Variants in MUC12 observed in about 807,000 individuals in gnomAD.
MUC12 encodes mucin-12.
Under a neutral mutation model 230.8 loss-of-function variants are expected in MUC12, and 172 were observed. That is an observed-to-expected ratio of 0.75 (90% CI 0.66 to 0.85). The LOEUF is 0.85. Among genes scored for constraint, MUC12 ranks in the 40% least tolerant of loss-of-function variants. The pLI is 0.00. For missense variants in MUC12, 3,506 were observed against 5,920.6 expected (o/e 0.59, Z 13.38); for synonymous variants, 1,259 against 2,401.9 (o/e 0.52, Z 13.91).
At position 100,990,780 on chromosome 7, in the gene MUC12, A is replaced by G; in HGVS notation, c.217A>G (p.Thr73Ala). ...TATKHFLDSS[T>A]NSGHSEESTV... ...AACAAAACACTTCCTTGACAGCTCC[A>G]CAAACTCAGGCCACAGTGAGGAATC... The change falls in exon 2 of 12, where the codon ACA becomes GCA. Residue 73 changes from threonine to alanine, a missense_variant. By Grantham distance (58) the Thr-to-Ala change is moderately conservative. Coordinates refer to ENST00000536621, the MANE Select transcript of MUC12 (RefSeq NM_001164462.2). 6.5e-7 allele frequency: 1 copy of G among 1,537,844 alleles called. No homozygotes were observed. Among genetic ancestry groups the G allele is most frequent in the South Asian group, 1.2e-5 (1 of 84,060 alleles).
Position 100,995,639 on chromosome 7 carries a change from G to A in MUC12, c.5076G>A (p.Trp1692Ter), listed in dbSNP as rs1379394024. The change falls in exon 2 of 12, where the codon TGG becomes TGA. Residue 1692 changes from tryptophan to a stop codon, truncating the protein, a stop_gained. Transcript: ENST00000536621. LOFTEE classifies it high-confidence loss of function. ...RQGESTTFQS[W>*]PSSKDTMPAP... ...GAGAATCTACCACCTTCCAGAGCTG[G>A]CCAAGCTCAAAGGACACTATGCCTG... 6.5e-7 allele frequency: 1 copy of A among 1,537,004 alleles called. No homozygotes were observed. The highest frequency in any genetic ancestry group is 2.0e-5 in the Admixed American group (1 of 50,966).
At chr7:101,005,603 G>C (rs763977198) in intron 2 of MUC12, 84 bp downstream of exon 2, 4 of 1,409,912 alleles carry the variant, frequency 2.8e-6, no homozygotes, top group Non-Finnish European at 3.8e-6. Flanking sequence ...AACCTCTCTT[G>C]GTTCTTTTCC....
At chr7:100,975,195 G>GGCT in intron 1 of MUC12, among the ~76,000 whole-genome samples, 2 of 152,300 alleles carry the variant, frequency 1.3e-5, no homozygotes, top group Non-Finnish European at 2.9e-5. Context: ...TCCACACGAT[G>GGCT]ACTGGAACCA....
At chr7:100,990,501 G>T in intron 1 of MUC12, 130 bp from the exon 2 acceptor site, 1 of 1,146,644 alleles carries the variant, frequency 8.7e-7, no homozygotes, top group Non-Finnish European at 1.2e-6. Context: ...CCCCAAAAGG[G>T]AAACTTGAGT....
chr7:100,987,040 A>G (rs1383169349), intron 1 of MUC12, among the ~76,000 whole-genome samples: 1 of 147,814 alleles, frequency 6.8e-6, no homozygotes, highest in Non-Finnish European at 1.5e-5. Flanking sequence ...TAGCCCCTCC[A>G]GTCCAGGGCC....
chr7:100,995,064 G>A lies in MUC12; in HGVS notation c.4501G>A (p.Ala1501Thr). The stretch of plus-strand genomic sequence containing the variant: ...AACAACAGTCCACAGCAGCCCAGGT[G>A]CAACTGGAACAGCACTCTTCCCTAC... ...ESTTVHSSPG[A>T]TGTALFPTRS... The change falls in exon 2 of 12, where the codon GCA (alanine) becomes ACA (threonine). Residue 1501 changes from alanine to threonine, a missense_variant. Physicochemically the swap from Ala to Thr is moderately conservative, Grantham distance 58 (BLOSUM62 0). Coordinates refer to ENST00000536621, the MANE Select transcript of MUC12 (RefSeq NM_001164462.2). The A allele has an allele frequency of 3.8e-6, 2 of 527,458 alleles. No homozygotes were observed. The highest frequency in any genetic ancestry group is 4.0e-5 in the South Asian group (2 of 49,574). 32.7% of individuals were successfully genotyped at this position (527,458 alleles called of 1,614,324 possible).
intron 1 of MUC12, chr7:100,981,349 GT>G: frequency 1.6e-6 from 1 of 610,042 alleles, no homozygotes; most frequent in East Asian, 3.3e-5. Context: ...CCAGAGCATG[GT>G]TCCCTTGTCC....
Position 100,987,748 on chromosome 7 carries a change from A to G in MUC12, c.68-2883A>G, listed in dbSNP as rs189950733. On this transcript the variant is annotated intron_variant, in intron 1 of 11. Coordinates refer to ENST00000536621, the MANE Select transcript of MUC12 (RefSeq NM_001164462.2). ...AGCACTTTGGGAGGCCGAGGTGAGCAGGTCACCTGAGGTCAGGAGTTTGAG... is the reference window on the plus strand; with the variant it reads ...AGCACTTTGGGAGGCCGAGGTGAGCGGGTCACCTGAGGTCAGGAGTTTGAG... Among the ~76,000 whole-genome samples, 584 of 152,134 alleles carry G rather than the reference A, an allele frequency of 3.8e-3. 4 individuals carry two copies. Among genetic ancestry groups the G allele is most frequent in the African/African-American group, 0.013 (548 of 41,522 alleles).
At position 100,993,998 on chromosome 7, in the gene MUC12, T is replaced by C; in HGVS notation, c.3435T>C (p.Pro1145=). 7.4e-7 allele frequency: 1 copy of C among 1,348,498 alleles called. No individual in the cohort carries two copies. Among genetic ancestry groups the C allele is most frequent in the East Asian group, 3.4e-5 (1 of 29,818 alleles). 83.5% of individuals were successfully genotyped at this position (1,348,498 alleles called of 1,614,324 possible). The part of the protein sequence containing the change: ...QPGSTHSTVS[P]ASTTTPGLSE... ...GTTCTACTCACTCAACAGTGTCACCTGCCAGCACCACCACGCCAGGCCTCA... is the reference window on the plus strand; with the variant it reads ...GTTCTACTCACTCAACAGTGTCACCCGCCAGCACCACCACGCCAGGCCTCA... The change falls in exon 2 of 12, where the codon CCT becomes CCC. Residue 1145 remains proline, a synonymous_variant. Coordinates refer to ENST00000536621, the MANE Select transcript of MUC12 (RefSeq NM_001164462.2).
intron 1 of MUC12, among the ~76,000 whole-genome samples, chr7:100,985,794 C>T (rs1793178481): frequency 6.6e-6 from 1 of 152,042 alleles, no homozygotes; most frequent in South Asian, 2.1e-4. Flanking sequence ...CCTCAGAGAC[C>T]AGGAGGCCAG....
chr7:100,992,462 A>T lies in MUC12; in HGVS notation c.1899A>T (p.Thr633=), dbSNP rs200421275. 1,255 of 1,537,744 alleles carry T rather than the reference A, an allele frequency of 8.2e-4. 16 individuals are homozygous for T. In the South Asian group the frequency reaches 8.4e-3, roughly 10 times the overall value. ...CAACCCGTCAGGGAGAATCTACCAC[A>T]TTCCATAGCTGGCCAAGCTCAAAGG... ...GSTTRQGEST[T]FHSWPSSKDT... Residue 633 remains threonine (T), a synonymous_variant, in exon 2 of 12, where the codon ACA becomes ACT. Coordinates refer to ENST00000536621, the MANE Select transcript of MUC12 (RefSeq NM_001164462.2).
At chr7:100,970,278 G>A (rs1340211186) in intron 1 of MUC12, among the ~76,000 whole-genome samples, 1 of 152,182 alleles carries the variant, frequency 6.6e-6, no homozygotes, top group Admixed American at 6.5e-5. Context: ...CCTGAGGTTG[G>A]GAGTTCAAGT....
Position 101,004,527 on chromosome 7 carries a change from C to T in MUC12, c.13964C>T (p.Pro4655Leu). ...PSTTSALVEEPTSYHSSPGSI... is the reference protein window; with the variant it reads ...PSTTSALVEELTSYHSSPGSI... ...ACCACATCTGCCCTTGTTGAAGAAC[C>T]TACCAGCTACCACAGCAGCCCGGGC... The change falls in exon 2 of 12, where the codon CCT becomes CTT. Residue 4655 changes from proline (P) to leucine (L), a missense_variant. Physicochemically the swap from Pro to Leu is moderately conservative, Grantham distance 98. Coordinates refer to ENST00000536621, the MANE Select transcript of MUC12 (RefSeq NM_001164462.2). 2.0e-6 allele frequency: 3 copies of T among 1,536,406 alleles called. No individual in the cohort carries two copies. Among genetic ancestry groups the T allele is most frequent in the Non-Finnish European group, 2.6e-6 (3 of 1,146,636 alleles).
At chr7:100,990,572 CA>C in intron 1 of MUC12, 58 bp from the exon 2 acceptor site, 1 of 1,530,442 alleles carries the variant, frequency 6.5e-7, no homozygotes, top group Non-Finnish European at 8.8e-7. Context: ...TGACTGCCAC[CA>C]AACATGAGGA....
At position 101,018,825 on chromosome 7, in the gene MUC12, C is replaced by T. The variant is rs1039472068; in HGVS notation, c.*189C>T. 3.0e-5 allele frequency: 16 copies of T among 540,160 alleles called. No homozygotes were observed. The highest frequency in any genetic ancestry group is 4.6e-5 in the Non-Finnish European group (15 of 325,650). 33.5% of individuals were successfully genotyped at this position (540,160 alleles called of 1,614,324 possible). A position where few individuals can be genotyped will look rare whatever the true frequency, so the allele number is the denominator to read the frequency against. ...GCTGGGGAAGGCTGGGGGCTGTAAG[C>T]CTCTCCATCCGGGAGCTTCCAGACT... On this transcript the variant is annotated 3_prime_UTR_variant, in exon 12 of 12. Coordinates refer to ENST00000536621, the MANE Select transcript of MUC12 (RefSeq NM_001164462.2).
intron 1 of MUC12, among the ~76,000 whole-genome samples, chr7:100,986,018 A>G (rs1379473369): frequency 6.6e-6 from 1 of 152,160 alleles, no homozygotes; most frequent in African/African-American, 2.4e-5. Context: ...GACAAAACTT[A>G]GCTCATAAAC....
chr7:101,009,135 G>C lies in MUC12; in HGVS notation c.15227G>C (p.Arg5076Thr). The change falls in exon 5 of 12, where the codon AGA becomes ACA. Residue 5076 changes from arginine (R) to threonine (T), a missense_variant. Physicochemically the swap from Arg to Thr is moderately conservative, Grantham distance 71. Coordinates refer to ENST00000536621, the MANE Select transcript of MUC12 (RefSeq NM_001164462.2). ...VLKGDNLPQYRGVNIRRLLNG... is the reference protein window; with the variant it reads ...VLKGDNLPQYTGVNIRRLLNG... ...AAGGGCGACAATCTTCCTCAGTATA[G>C]AGGGGTGAACATTCGGAGATTGCTG... 6.5e-7 allele frequency: 1 copy of C among 1,537,928 alleles called. No homozygotes were observed. The highest frequency in any genetic ancestry group is 8.7e-7 in the Non-Finnish European group (1 of 1,147,060).
intron 11 of MUC12, 124 bp downstream of exon 11, chr7:101,017,787 C>A: frequency 3.2e-6 from 2 of 631,452 alleles, no homozygotes; most frequent in South Asian, 2.0e-5. Context: ...CCCTCCCTTC[C>A]CCCTGGGACC....
chr7:100,991,816 C>T lies in MUC12; in HGVS notation c.1253C>T (p.Ser418Leu). The change falls in exon 2 of 12, where the codon TCA (serine) becomes TTA (leucine). Residue 418 changes from serine (S) to leucine (L), a missense_variant. Transcript: ENST00000536621. ...AHTSYHSSLG[S>L]TETTHFRDSS... ...ACAAGCTACCACAGCAGCCTGGGCTCAACTGAAACAACACACTTCCGTGAT... is the reference window on the plus strand; with the variant it reads ...ACAAGCTACCACAGCAGCCTGGGCTTAACTGAAACAACACACTTCCGTGAT... The T allele has an allele frequency of 1.3e-6, 2 of 1,537,964 alleles. No homozygotes were observed. Among genetic ancestry groups the T allele is most frequent in the Non-Finnish European group, 1.7e-6 (2 of 1,147,064 alleles).
Sources: allele counts gnomAD v4.1 joint callset (sites outside exome capture counted in the v4.1 genomes callset), GRCh38; gene constraint gnomAD v4.1.1; transcripts MANE v1.5; gene names NCBI Gene and HGNC (gene_info 2026-07-23, HGNC 2026-07-21).